The following GPC5 variants were observed in gnomAD, a reference collection of about 807,000 sequenced individuals.
GPC5 encodes glypican 5, also known as glypican-5.
In GPC5, 47 loss-of-function variants were observed where a neutral mutation model predicts 53.9. The ratio of observed to expected loss-of-function variants is 0.87; its 90% confidence interval spans 0.69 to 1.11. The LOEUF is 1.11. Ranked by LOEUF, GPC5 falls within the 50% of genes most tolerant of loss-of-function variation. The probability of loss-of-function intolerance (pLI) is 0.00; values close to 1 mark genes in which losing one functional copy is unlikely to be tolerated. For synonymous variants in GPC5, 286 were observed against 263.3 expected, an observed-to-expected ratio of 1.09 and a Z score of -0.84; for missense variants, 748 against 713.1, an observed-to-expected ratio of 1.05 and a Z score of -0.56.
intron 7 of GPC5, among the ~76,000 whole-genome samples, chr13:92,164,513 G>A (rs1209628897): frequency 1.3e-5 from 2 of 152,194 alleles, no homozygotes; most frequent in East Asian, 3.9e-4. Context: ...TGATGCAAGA[G>A]GTGGGTTCCC....
At chr13:91,991,648 CT>C (rs1261738143) in intron 6 of GPC5, among the ~76,000 whole-genome samples, 1 of 151,940 alleles carries the variant, frequency 6.6e-6, no homozygotes, top group Non-Finnish European at 1.5e-5. Flanking sequence ...TGTTTACAGA[CT>C]TTTTTTGAAT....
chr13:92,616,906 A>G (rs1444650866), intron 7 of GPC5, among the ~76,000 whole-genome samples: 1 of 152,220 alleles, frequency 6.6e-6, no homozygotes, highest in African/African-American at 2.4e-5. Context: ...GTGAAAGATA[A>G]AATACACAAA....
intron 7 of GPC5, among the ~76,000 whole-genome samples, chr13:92,398,528 C>A (rs1011788892): frequency 6.6e-6 from 1 of 151,742 alleles, no homozygotes; most frequent in African/African-American, 2.4e-5. Context: ...ATCTCCCAAT[C>A]CCTTCCTCCC....
At chr13:91,429,567 A>C (rs1879286348) in intron 1 of GPC5, among the ~76,000 whole-genome samples, 1 of 152,232 alleles carries the variant, frequency 6.6e-6, no homozygotes, top group Non-Finnish European at 1.5e-5. Context: ...GAAGGATTGG[A>C]AGAAGAGAGA....
rs564080850 is a variant in GPC5 at position 91,455,572 on chromosome 13, G to A, written c.325+6650G>A. Among the ~76,000 whole-genome samples the A allele has an allele frequency of 6.6e-5, 10 of 152,148 alleles. No individual in the cohort carries two copies. The South Asian group carries it at 2.1e-3, about 32-fold the overall frequency. ...GAGGATGTATACCATGTTGTATTTT[G>A]TATGTATTTAAAATTTCTGTCCTAG... On this transcript the variant is annotated intron_variant, in intron 2 of 7. Transcript: ENST00000377067.
intron 7 of GPC5, among the ~76,000 whole-genome samples, chr13:92,782,368 G>T (rs2055986397): frequency 6.6e-6 from 1 of 152,080 alleles, no homozygotes; most frequent in Non-Finnish European, 1.5e-5. Flanking sequence ...AATACACATA[G>T]GCAAACAAGG....
chr13:92,165,784 C>T (rs2042022973), intron 7 of GPC5, among the ~76,000 whole-genome samples: 1 of 152,156 alleles, frequency 6.6e-6, no homozygotes, highest in Non-Finnish European at 1.5e-5. Context: ...ACAGTCAATT[C>T]TAGTATCCAG....
At chr13:92,455,796 A>G (rs753727263) in intron 7 of GPC5, among the ~76,000 whole-genome samples, 2 of 152,242 alleles carry the variant, frequency 1.3e-5, no homozygotes, top group Non-Finnish European at 2.9e-5. Context: ...TGTCATTGCC[A>G]TGTCTCAAGG....
chr13:92,563,393 G>A (rs965638446), intron 7 of GPC5, among the ~76,000 whole-genome samples: 2 of 151,748 alleles, frequency 1.3e-5, no homozygotes, highest in African/African-American at 4.8e-5. Context: ...AGATCCAAAG[G>A]CCATTTTCTA....
In GPC5 at chr13:92,144,881, G is replaced by T; in HGVS notation, c.1453G>T (p.Gly485Cys). 1 of 1,611,614 alleles carries T rather than the reference G, an allele frequency of 6.2e-7. No homozygotes were observed. Among genetic ancestry groups the T allele is most frequent in the Non-Finnish European group, 8.5e-7 (1 of 1,178,970 alleles). Residue 485 changes from glycine (G) to cysteine (C), a missense_variant, in exon 7 of 8, where the codon GGC becomes TGC. Physicochemically the swap from Gly to Cys is radical, Grantham distance 159. Transcript: ENST00000377067. The part of the protein sequence containing the change: ...KPDKWELLQL[G>C]SGGGMVEQVS... ...TGACAAGTGGGAACTTCTTCAGCTG[G>T]GCAGTGGTGGAGGCATGGTTGAACA... is the stretch of plus-strand genomic sequence containing the variant.
chr13:92,156,419 G>C (rs913171702), intron 7 of GPC5, among the ~76,000 whole-genome samples: 2 of 152,112 alleles, frequency 1.3e-5, no homozygotes, highest in Non-Finnish European at 2.9e-5. Flanking sequence ...AATCCTGTGG[G>C]TTCTGTTGTT....
At chr13:92,381,897 A>ATATATCATAT (rs1218262542) in intron 7 of GPC5, among the ~76,000 whole-genome samples, 4 of 101,336 alleles carry the variant, frequency 3.9e-5, no homozygotes, top group East Asian at 2.8e-4. Context: ...TATTATATAT[A>ATATATCATAT]ATCATATATA....
intron 7 of GPC5, among the ~76,000 whole-genome samples, chr13:92,846,193 G>C (rs1878606791): frequency 6.6e-6 from 1 of 152,050 alleles, no homozygotes; most frequent in East Asian, 1.9e-4. Context: ...AGCGAAGGAG[G>C]GAAAAGCCCC....
chr13:91,580,970 A>T (rs1002537527), intron 2 of GPC5, among the ~76,000 whole-genome samples: 1 of 152,216 alleles, frequency 6.6e-6, no homozygotes, highest in African/African-American at 2.4e-5. Context: ...AGATGAAGAA[A>T]ACATGTCCTT....
At chr13:92,188,846 C>T (rs1203759876) in intron 7 of GPC5, among the ~76,000 whole-genome samples, 2 of 152,188 alleles carry the variant, frequency 1.3e-5, no homozygotes, top group Non-Finnish European at 2.9e-5. Flanking sequence ...CACCCGACAG[C>T]AGGTGAAAAG....
chr13:92,630,176 C>G (rs997378333), intron 7 of GPC5, among the ~76,000 whole-genome samples: 1 of 152,040 alleles, frequency 6.6e-6, no homozygotes, highest in Non-Finnish European at 1.5e-5. Flanking sequence ...ATTTAATGAG[C>G]AATTATTATA....
At chr13:92,019,802 C>A (rs76172581) in intron 6 of GPC5, among the ~76,000 whole-genome samples, 2,088 of 152,120 alleles carry the variant, frequency 0.014, 61 homozygotes, top group African/African-American at 0.048. Context: ...TTTTCATTTT[C>A]TTTTGGCATT....
intron 7 of GPC5, among the ~76,000 whole-genome samples, chr13:92,395,568 T>C (rs1566572658): frequency 6.6e-6 from 1 of 152,228 alleles, no homozygotes; most frequent in African/African-American, 2.4e-5. Flanking sequence ...CTCTTCCTTA[T>C]GTAGAGTGGA....
At chr13:92,188,287 C>T (rs912983463) in intron 7 of GPC5, among the ~76,000 whole-genome samples, 1 of 152,090 alleles carries the variant, frequency 6.6e-6, no homozygotes, top group Non-Finnish European at 1.5e-5. Context: ...AGTGAAAAGA[C>T]TTATTGACAG....
Sources: gnomAD v4.1 joint callset for allele counts (sites outside exome capture counted in the v4.1 genomes callset) on GRCh38, gnomAD v4.1.1 for gene constraint, MANE v1.5 for transcripts, NCBI Gene and HGNC (gene_info 2026-07-23, HGNC 2026-07-21) for gene names.